The following AGAP3 variants were observed in gnomAD, a reference collection of about 807,000 sequenced individuals.
The protein encoded by AGAP3 is arf-GAP with GTPase, ANK repeat and PH domain-containing protein 3.
In AGAP3, 24 loss-of-function variants were observed where a neutral mutation model predicts 96.9. The observed-to-expected ratio is 0.25, with a 90% confidence interval of 0.18 to 0.35. The LOEUF (loss-of-function observed/expected upper bound fraction) is 0.35, where lower values mean the gene tolerates loss of function less well. AGAP3 is among the 10% of genes least tolerant of loss of function. The pLI is 1.00. For synonymous variants in AGAP3, 563 were observed against 536.1 expected (o/e 1.05, Z -0.69); for missense variants, 876 against 1,254.2 (o/e 0.70, Z 4.55).
rs982838413 is a variant in AGAP3, at chr7:151,143,090, G to A, written c.2274-251G>A. Among the ~76,000 whole-genome samples the A allele has an allele frequency of 6.6e-5, 10 of 152,132 alleles. No homozygotes were observed. Among genetic ancestry groups the A allele is most frequent in the African/African-American group, 2.4e-4 (10 of 41,438 alleles). On this transcript the variant is annotated intron_variant, in intron 16 of 17. Transcript: ENST00000397238. The surrounding 1 kb of genome is among the most constrained non-coding windows in gnomAD (Gnocchi z 5.9). The stretch of plus-strand genomic sequence containing the variant: ...CCCTCTCAGCCCCCGCATCCCCACT[G>A]TCCCCAGGGGGCCTCCCTTCAGTGT...
chr7:151,099,001 G>T (rs1798726120), intron 1 of AGAP3, among the ~76,000 whole-genome samples: 1 of 151,722 alleles, frequency 6.6e-6, no homozygotes, highest in African/African-American at 2.4e-5. Flanking sequence ...CTCCCAAAGC[G>T]CTGGGATTAT....
chr7:151,087,096 G>A (rs1248526649), intron 1 of AGAP3, 24 bp downstream of exon 1: 5 of 1,570,456 alleles, frequency 3.2e-6, no homozygotes, highest in Non-Finnish European at 4.3e-6. Context: ...GGGGCTGCGG[G>A]AGCCGGGGCG....
chr7:151,091,225 G>C (rs1387770143), intron 1 of AGAP3, among the ~76,000 whole-genome samples: 1 of 152,120 alleles, frequency 6.6e-6, no homozygotes, highest in Non-Finnish European at 1.5e-5. Context: ...GATGAGGACT[G>C]GGGGGGTCTG....
rs371611399 is a variant in AGAP3, at chr7:151,143,609, C to T, written c.2529+13C>T. 1.4e-5 allele frequency: 22 copies of T among 1,597,366 alleles called. No homozygotes were observed. The East Asian group carries it at 4.9e-4, about 36-fold the overall frequency. Reference sequence around the variant, plus strand: ...GCTGCTCATCTGGGTGAGTCACGTGCCTCTAGCCTGCCCTGACCTCGCTCT... The same window carrying T: ...GCTGCTCATCTGGGTGAGTCACGTGTCTCTAGCCTGCCCTGACCTCGCTCT... On this transcript the variant is annotated intron_variant, in intron 17 of 17. Transcript: ENST00000397238. This position sits in a 1 kb window ranked among gnomAD's most constrained non-coding sequence, Gnocchi z 5.9.
At chr7:151,099,577 C>T (rs1343843781) in intron 1 of AGAP3, among the ~76,000 whole-genome samples, 4 of 152,172 alleles carry the variant, frequency 2.6e-5, no homozygotes, top group Middle Eastern at 3.2e-3. Flanking sequence ...CTCGTGTTCC[C>T]ACCTTGGGTC....
intron 8 of AGAP3, 131 bp from the exon 9 acceptor site, chr7:151,123,663 C>T: frequency 1.3e-6 from 2 of 1,529,588 alleles, no homozygotes; most frequent in Admixed American, 1.9e-5. Context: ...CTTCCCGTCC[C>T]GCCGCCCCGG....
intron 1 of AGAP3, among the ~76,000 whole-genome samples, chr7:151,101,145 C>T (rs1247247590): frequency 3.3e-5 from 5 of 152,244 alleles, no homozygotes; most frequent in Non-Finnish European, 5.9e-5. Context: ...CAGCCATCCC[C>T]GGGTCCCCAG....
chr7:151,123,500 C>T (rs1800016780), intron 8 of AGAP3: 1 of 1,225,972 alleles, frequency 8.2e-7, no homozygotes, highest in East Asian at 3.9e-5. Flanking sequence ...GCCCCCGCTT[C>T]TCTTACGCCC....
In AGAP3 at chr7:151,118,371, C is replaced by T; in HGVS notation, c.841+27C>T. ...TAACTCGGGTGCCGGGTGGGAGTCA[C>T]TGGCAGCCGCGGCCCCAGTGCTGGC... On this transcript the variant is annotated intron_variant, in intron 6 of 17. Coordinates refer to ENST00000397238, the MANE Select transcript of AGAP3 (RefSeq NM_031946.7). This position sits in a 1 kb window ranked among gnomAD's most constrained non-coding sequence, Gnocchi z 6.1. 1.3e-6 allele frequency: 2 copies of T among 1,599,808 alleles called. No homozygotes were observed. Among genetic ancestry groups the T allele is most frequent in the African/African-American group, 1.3e-5 (1 of 74,824 alleles).
intron 1 of AGAP3, among the ~76,000 whole-genome samples, chr7:151,091,880 C>T (rs776853815): frequency 2.6e-5 from 4 of 152,128 alleles, no homozygotes; most frequent in Non-Finnish European, 2.9e-5. Flanking sequence ...TGTGCCAGGC[C>T]TGGGGGTCCG....
In AGAP3 at chr7:151,117,127, A is replaced by T. The variant is rs370317322; in HGVS notation, c.423A>T (p.Ser141=). 8.1e-6 allele frequency: 13 copies of T among 1,613,990 alleles called. No homozygotes were observed. Among genetic ancestry groups the T allele is most frequent in the Admixed American group, 5.0e-5 (3 of 60,010 alleles). Residue 141 remains serine, a synonymous_variant, in exon 3 of 18, where the codon TCA becomes TCT. Coordinates refer to ENST00000397238, the MANE Select transcript of AGAP3 (RefSeq NM_031946.7). ...TGGGGAACCTGTCTAGCGGGAAGTC[A>T]GCCCTGGTGCACCGCTATCTGACGG... ...GIVGNLSSGK[S]ALVHRYLTGT...
intron 10 of AGAP3, 100 bp downstream of exon 10, chr7:151,128,784 G>A (rs1800286447): frequency 9.9e-7 from 1 of 1,006,294 alleles, no homozygotes. Flanking sequence ...TGGACGGGAA[G>A]CAGACCTTAG....
In AGAP3 at chr7:151,140,056, C is replaced by G; in HGVS notation, c.1744C>G (p.His582Asp). ...ATCTCCCCACTCCAACCGGAAGAAG[C>G]ACCGGAGGAAAAAGAGCACCGGGAC... ...PPSPHSNRKK[H>D]RRKKSTGTPR... The change falls in exon 13 of 18, where the codon CAC (histidine) becomes GAC (aspartate). Residue 582 changes from histidine (H) to aspartate (D), a missense_variant. Coordinates refer to ENST00000397238, the MANE Select transcript of AGAP3 (RefSeq NM_031946.7). This position sits in a 1 kb window ranked among gnomAD's most constrained non-coding sequence, Gnocchi z 5.4. 2 of 1,606,730 alleles carry G rather than the reference C, an allele frequency of 1.2e-6. No individual in the cohort carries two copies. Among genetic ancestry groups the G allele is most frequent in the Non-Finnish European group, 1.7e-6 (2 of 1,177,044 alleles).
intron 8 of AGAP3, among the ~76,000 whole-genome samples, chr7:151,122,378 G>C (rs1799939657): frequency 6.6e-6 from 1 of 152,216 alleles, no homozygotes; most frequent in African/African-American, 2.4e-5. Flanking sequence ...TCCCCTCGCT[G>C]TGCCCTTGGC....
chr7:151,118,424 G>T lies in AGAP3; in HGVS notation c.841+80G>T, dbSNP rs1687517642. The T allele has an allele frequency of 6.3e-7, 1 of 1,599,984 alleles. No homozygotes were observed. Among genetic ancestry groups the T allele is most frequent in the Non-Finnish European group, 8.6e-7 (1 of 1,169,314 alleles). ...TAGGAAGGCTCCCAGTGAGAGCAAG[G>T]CTGTGTGTCTGGGGGGAGGTGCTAA... On this transcript the variant is annotated intron_variant, in intron 6 of 17. Coordinates refer to ENST00000397238, the MANE Select transcript of AGAP3 (RefSeq NM_031946.7). The surrounding 1 kb of genome is among the most constrained non-coding windows in gnomAD (Gnocchi z 6.1).
chr7:151,117,784 C>A lies in AGAP3; in HGVS notation c.706+7C>A. On this transcript the variant is annotated splice_region_variant and intron_variant, in intron 5 of 17. Coordinates refer to ENST00000397238, the MANE Select transcript of AGAP3 (RefSeq NM_031946.7). Reference sequence around the variant, plus strand: ...GTGCTTGTGGGCACGCAGGGTGAGGCGGGGCCCTGCAGGAGCTGGCAGAGA... The same window carrying A: ...GTGCTTGTGGGCACGCAGGGTGAGGAGGGGCCCTGCAGGAGCTGGCAGAGA... The A allele has an allele frequency of 6.2e-7, 1 of 1,610,174 alleles. No individual in the cohort carries two copies. The highest frequency in any genetic ancestry group is 8.5e-7 in the Non-Finnish European group (1 of 1,177,766).
chr7:151,137,610 C>A (rs1800653353), intron 11 of AGAP3: 1 of 152,570 alleles, frequency 6.6e-6, no homozygotes, highest in Non-Finnish European at 1.5e-5. Flanking sequence ...TCGGTTCCCC[C>A]TGGCTCTGCC....
At chr7:151,115,150 TG>T in intron 1 of AGAP3, 1 of 1,044,788 alleles carries the variant, frequency 9.6e-7, no homozygotes, top group Non-Finnish European at 1.2e-6. Flanking sequence ...CCGGCCAGCA[TG>T]ACTTTCCTGG....
intron 1 of AGAP3, chr7:151,087,343 G>T: frequency 2.1e-6 from 1 of 474,184 alleles, no homozygotes. Context: ...GACCAGATCT[G>T]TCCAGGCCTG....
Sources: allele counts gnomAD v4.1 joint callset (sites outside exome capture counted in the v4.1 genomes callset), GRCh38; gene constraint gnomAD v4.1.1; non-coding constraint Gnocchi (gnomAD v3.1); transcripts MANE v1.5; gene names NCBI Gene and HGNC (gene_info 2026-07-23, HGNC 2026-07-21).